Variants in PAIP2B observed in about 807,000 individuals in gnomAD.
PAIP2B encodes the protein poly(A) binding protein interacting protein 2B.
In PAIP2B, 13 loss-of-function variants were observed where a neutral mutation model predicts 17.0. The observed-to-expected ratio is 0.76, with a 90% confidence interval of 0.50 to 1.22. The LOEUF (loss-of-function observed/expected upper bound fraction) is 1.22. PAIP2B is among the 50% of genes most tolerant of loss of function. PAIP2B has a pLI of 0.00. For synonymous variants in PAIP2B, 43 were observed against 48.7 expected (o/e 0.88, Z 0.48); for missense variants, 117 against 144.5 (o/e 0.81, Z 0.98).
At chr2:71,218,608 T>C (rs1011074445) in intron 1 of PAIP2B, among the ~76,000 whole-genome samples, 1 of 152,114 alleles carries the variant, frequency 6.6e-6, no homozygotes, top group African/African-American at 2.4e-5. Context: ...AAAACTGTTT[T>C]TTTGTTATTT....
chr2:71,225,196 T>G (rs1675688209), intron 1 of PAIP2B, among the ~76,000 whole-genome samples: 1 of 152,202 alleles, frequency 6.6e-6, no homozygotes, highest in African/African-American at 2.4e-5. Context: ...GGCTCTAGTG[T>G]GATTTATTAA....
intron 1 of PAIP2B, among the ~76,000 whole-genome samples, chr2:71,213,399 T>C (rs1675349327): frequency 6.6e-6 from 1 of 152,180 alleles, no homozygotes; most frequent in Non-Finnish European, 1.5e-5. Context: ...CATTTTGGGT[T>C]GGAAAAGCTC....
At chr2:71,218,715 T>C (rs907903234) in intron 1 of PAIP2B, among the ~76,000 whole-genome samples, 1 of 151,332 alleles carries the variant, frequency 6.6e-6, no homozygotes, top group Non-Finnish European at 1.5e-5. Flanking sequence ...GGAGTGGCAA[T>C]GATTCACTTA....
At chr2:71,215,444 G>A (rs758578238) in intron 1 of PAIP2B, among the ~76,000 whole-genome samples, 1 of 152,198 alleles carries the variant, frequency 6.6e-6, no homozygotes, top group African/African-American at 2.4e-5. Context: ...TGTGCAGCCA[G>A]GCTTCAGAGC....
intron 1 of PAIP2B, among the ~76,000 whole-genome samples, chr2:71,226,527 G>A (rs1201389599): frequency 6.6e-6 from 1 of 152,204 alleles, no homozygotes; most frequent in African/African-American, 2.4e-5. Flanking sequence ...GGGGAGAGGG[G>A]CGGGGGATGC....
At chr2:71,219,897 C>T (rs1675533739) in intron 1 of PAIP2B, among the ~76,000 whole-genome samples, 1 of 152,218 alleles carries the variant, frequency 6.6e-6, no homozygotes, top group Admixed American at 6.5e-5. Context: ...TCTCTCTCAA[C>T]ACAAAAAGTA....
intron 2 of PAIP2B, among the ~76,000 whole-genome samples, chr2:71,199,039 T>C (rs185432787): frequency 1.3e-5 from 2 of 151,750 alleles, no homozygotes; most frequent in East Asian, 3.9e-4. Flanking sequence ...GATAAAGCAG[T>C]AGCAGGGTTT....
In PAIP2B at chr2:71,186,480, G is replaced by T. The variant is rs1674543022; in HGVS notation, c.*1999C>A. ...CTGACATCCAAAACAGACCAGCACA[G>T]CAGAAGGAAAGACAAGCTCCTTTCT... On this transcript the variant is annotated 3_prime_UTR_variant, in exon 4 of 4. Coordinates refer to ENST00000244221, the MANE Select transcript of PAIP2B (RefSeq NM_020459.1). 2 of 152,318 alleles carry T rather than the reference G, an allele frequency of 1.3e-5. No homozygotes were observed. Among genetic ancestry groups the T allele is most frequent in the South Asian group, 2.1e-4 (1 of 4,824 alleles). The allele number at this position is 152,318 out of a possible 1,614,324, so 9.4% of individuals were successfully genotyped here. A position where few individuals can be genotyped will look rare whatever the true frequency, so the allele number is the denominator to read the frequency against.
At chr2:71,223,331 G>T (rs1050824904) in intron 1 of PAIP2B, among the ~76,000 whole-genome samples, 12 of 152,054 alleles carry the variant, frequency 7.9e-5, no homozygotes, top group African/African-American at 2.9e-4. Flanking sequence ...AGGATTGCTT[G>T]ACCCAGGATG....
chr2:71,218,916 T>C (rs923995899), intron 1 of PAIP2B, among the ~76,000 whole-genome samples: 9 of 151,270 alleles, frequency 5.9e-5, no homozygotes, highest in Non-Finnish European at 1.2e-4. Context: ...TTTCTTTTTT[T>C]TTCTTTTTTT....
At chr2:71,222,757 G>T (rs781542125) in intron 1 of PAIP2B, among the ~76,000 whole-genome samples, 1 of 152,140 alleles carries the variant, frequency 6.6e-6, no homozygotes, top group African/African-American at 2.4e-5. Context: ...GAACTCAGTT[G>T]GTAGGTAGCA....
At chr2:71,218,022 A>G (rs1255255511) in intron 1 of PAIP2B, among the ~76,000 whole-genome samples, 1 of 152,176 alleles carries the variant, frequency 6.6e-6, no homozygotes, top group East Asian at 1.9e-4. Flanking sequence ...AGCTATGATC[A>G]TGCCACTGCA....
intron 2 of PAIP2B, among the ~76,000 whole-genome samples, chr2:71,196,045 G>A (rs1042367176): frequency 1.3e-4 from 20 of 151,834 alleles, no homozygotes; most frequent in African/African-American, 4.1e-4. Context: ...GTTATTTCTC[G>A]TCTTCTGCTA....
intron 1 of PAIP2B, among the ~76,000 whole-genome samples, chr2:71,209,674 T>G (rs534882026): frequency 6.6e-5 from 10 of 152,352 alleles, no homozygotes; most frequent in African/African-American, 2.4e-4. Flanking sequence ...CCTGGATTAA[T>G]GCATCAAACT....
chr2:71,200,100 A>C lies in PAIP2B; in HGVS notation c.138+2352T>G, dbSNP rs1338175519. 5.3e-5 allele frequency among the ~76,000 whole-genome samples: 8 copies of C among 152,162 alleles called. No individual in the cohort carries two copies. The East Asian group carries it at 1.5e-3, about 29-fold the overall frequency. ...GTCACTCCGAGTTTGGGGGGTTGTA[A>C]GCTGTTTTCATCTTATTCTATGTTT... On this transcript the variant is annotated intron_variant, in intron 2 of 3. Coordinates refer to ENST00000244221, the MANE Select transcript of PAIP2B (RefSeq NM_020459.1).
chr2:71,187,198 A>G lies in PAIP2B; in HGVS notation c.*1281T>C, dbSNP rs1348940292. On this transcript the variant is annotated 3_prime_UTR_variant, in exon 4 of 4. Transcript: ENST00000244221. ...GAAGGTAGCTCCTGGCACCCAGTTTAGTTCCTTAGGGGTAGCAACAAAAGA... is the reference window on the plus strand; with the variant it reads ...GAAGGTAGCTCCTGGCACCCAGTTTGGTTCCTTAGGGGTAGCAACAAAAGA... 4.6e-5 allele frequency: 7 copies of G among 152,262 alleles called. No individual in the cohort carries two copies. The highest frequency in any genetic ancestry group is 1.4e-4 in the African/African-American group (6 of 41,454). The allele number at this position is 152,262 out of a possible 1,614,324, so 9.4% of individuals were successfully genotyped here. A position where few individuals can be genotyped will look rare whatever the true frequency, so the allele number is the denominator to read the frequency against.
intron 1 of PAIP2B, among the ~76,000 whole-genome samples, chr2:71,208,497 G>A (rs1675198760): frequency 6.6e-6 from 1 of 152,064 alleles, no homozygotes; most frequent in Non-Finnish European, 1.5e-5. Context: ...CCAGAGAGTT[G>A]AGAAGACAAT....
chr2:71,196,390 G>A lies in PAIP2B; in HGVS notation c.138+6062C>T, dbSNP rs111708898. On this transcript the variant is annotated intron_variant, in intron 2 of 3. Coordinates refer to ENST00000244221, the MANE Select transcript of PAIP2B (RefSeq NM_020459.1). ...CCAAGAGTGTGTTTGGTATGATTTC[G>A]GTTCTTTTACACTTGTTGAGGATTG... Among the ~76,000 whole-genome samples, 761 of 152,064 alleles carry A rather than the reference G, an allele frequency of 5.0e-3. 10 individuals carry two copies. The highest frequency in any genetic ancestry group is 0.017 in the African/African-American group (702 of 41,492).
chr2:71,190,563 T>C lies in PAIP2B; in HGVS notation c.139-542A>G, dbSNP rs142239033. On this transcript the variant is annotated intron_variant, in intron 2 of 3. Coordinates refer to ENST00000244221, the MANE Select transcript of PAIP2B (RefSeq NM_020459.1). ...TTTCTCAACCAAATTCTATCACTAA[T>C]AAGACTAAGAAAATAGTTATTCACA... Among the ~76,000 whole-genome samples, 47 of 152,354 alleles carry C rather than the reference T, an allele frequency of 3.1e-4. No homozygotes were observed. The East Asian group carries it at 8.3e-3, about 27-fold the overall frequency.
Sources: gnomAD v4.1 joint callset for allele counts (sites outside exome capture counted in the v4.1 genomes callset) on GRCh38, gnomAD v4.1.1 for gene constraint, MANE v1.5 for transcripts, NCBI Gene and HGNC (gene_info 2026-07-23, HGNC 2026-07-21) for gene names.